Variants in CYTH2 observed in about 807,000 individuals in gnomAD.
The protein encoded by CYTH2 is cytohesin-2.
Under a neutral mutation model 55.4 loss-of-function variants are expected in CYTH2, and 24 were observed. That is an observed-to-expected ratio of 0.43 (90% CI 0.31 to 0.61). The LOEUF (loss-of-function observed/expected upper bound fraction) is 0.61. Among genes scored for constraint, CYTH2 ranks in the 20% least tolerant of loss-of-function variants. The pLI, the probability that CYTH2 is intolerant of heterozygous loss-of-function variation, is 0.08. For synonymous variants in CYTH2, 221 were observed against 209.6 expected (o/e 1.05, Z -0.47); for missense variants, 378 against 533.5 (o/e 0.71, Z 2.87).
At position 48,474,394 on chromosome 19, in the gene CYTH2, C is replaced by T; in HGVS notation, c.696+64C>T. The T allele has an allele frequency of 8.0e-6, 12 of 1,497,882 alleles. No individual in the cohort carries two copies. The highest frequency in any genetic ancestry group is 1.1e-5 in the Non-Finnish European group (12 of 1,119,678). The allele number at this position is 1,497,882 out of a possible 1,614,324, so 92.8% of individuals were successfully genotyped here. ...TCCTGCCACAGACACCCCCGCCCCA[C>T]CTGTGGTCTCCTAGTGCCCAAGCTG... On this transcript the variant is annotated intron_variant, in intron 7 of 11. Coordinates refer to ENST00000452733, the MANE Select transcript of CYTH2 (RefSeq NM_004228.7). The surrounding 1 kb of genome is among the most constrained non-coding windows in gnomAD (Gnocchi z 4.9).
chr19:48,475,259 A>ACCACC, intron 8 of CYTH2: 1 of 338,494 alleles, frequency 3.0e-6, no homozygotes, highest in Non-Finnish European at 5.4e-6. Context: ...CTTTCGTGGG[A>ACCACC]GAAGAGTTCA....
In CYTH2 at chr19:48,479,475, G is replaced by A. The variant is rs904781289; in HGVS notation, c.*265G>A. The A allele has an allele frequency of 2.3e-5, 11 of 486,498 alleles. No individual in the cohort carries two copies. The highest frequency in any genetic ancestry group is 7.8e-5 in the African/African-American group (4 of 51,520). The allele number at this position is 486,498 out of a possible 1,614,324, so 30.1% of individuals were successfully genotyped here. A position where few individuals can be genotyped will look rare whatever the true frequency, so the allele number is the denominator to read the frequency against. On this transcript the variant is annotated 3_prime_UTR_variant, in exon 12 of 12. Coordinates refer to ENST00000452733, the MANE Select transcript of CYTH2 (RefSeq NM_004228.7). ...TTTCCCTGGACAGGGGCCTGGACCC[G>A]CCTGTCTCTGGGTGCTGCCTGGGCT...
intron 1 of CYTH2, 94 bp downstream of exon 1, chr19:48,469,620 C>T: frequency 7.5e-7 from 1 of 1,339,540 alleles, no homozygotes; most frequent in Non-Finnish European, 9.7e-7. Flanking sequence ...GCGCGGCGCC[C>T]AGAAGCGTTC....
Position 48,478,152 on chromosome 19 carries a change from G to C in CYTH2, c.885+7G>C. On this transcript the variant is annotated splice_region_variant and intron_variant, in intron 9 of 11. Transcript: ENST00000452733. ...CTACTTTGAGTACACCACGGTGAGC[G>C]TGACCCGACCCGGGCTCTGGGGTCC... 6.2e-7 allele frequency: 1 copy of C among 1,613,828 alleles called. No homozygotes were observed. The highest frequency in any genetic ancestry group is 1.1e-5 in the South Asian group (1 of 91,090).
At position 48,474,927 on chromosome 19, in the gene CYTH2, G is replaced by C. The variant is rs1254339695; in HGVS notation, c.786G>C (p.Arg262=). 6.2e-7 allele frequency: 1 copy of C among 1,614,172 alleles called. No individual in the cohort carries two copies. The highest frequency in any genetic ancestry group is 8.5e-7 in the Non-Finnish European group (1 of 1,180,028). ...DLTHTFFNPD[R]EGWLLKLGGR... ...CCCACACCTTCTTCAACCCGGACCG[G>C]GAGGGCTGGCTCCTGAAGCTGGGTA... Residue 262 remains arginine (R), a synonymous_variant, in exon 8 of 12, where the codon CGG becomes CGC. Coordinates refer to ENST00000452733, the MANE Select transcript of CYTH2 (RefSeq NM_004228.7). This position sits in a 1 kb window ranked among gnomAD's most constrained non-coding sequence, Gnocchi z 4.9.
intron 1 of CYTH2, 99 bp from the exon 2 acceptor site, chr19:48,470,254 C>G: frequency 2.0e-6 from 3 of 1,490,590 alleles, no homozygotes; most frequent in African/African-American, 1.4e-5. Context: ...ATAGGAAGCC[C>G]CTTACACATC....
At chr19:48,471,667 G>A (rs1239235315) in intron 3 of CYTH2, among the ~76,000 whole-genome samples, 2 of 152,210 alleles carry the variant, frequency 1.3e-5, no homozygotes, top group Non-Finnish European at 2.9e-5. Flanking sequence ...CCAGGGCTTC[G>A]AGTTCACAGC....
intron 8 of CYTH2, 110 bp from the exon 9 acceptor site, chr19:48,477,959 C>T (rs1436181008): frequency 3.6e-6 from 3 of 823,298 alleles, no homozygotes; most frequent in African/African-American, 3.4e-5. Flanking sequence ...TGTCTAGGCC[C>T]CAGGAGCCCC....
chr19:48,471,274 C>T (rs1971787041), intron 3 of CYTH2, among the ~76,000 whole-genome samples: 1 of 151,882 alleles, frequency 6.6e-6, no homozygotes, highest in Admixed American at 6.5e-5. Context: ...GCCTCAGCCT[C>T]CCAAGTAGCT....
In CYTH2 at chr19:48,479,319, C is replaced by G. The variant is rs1181614315; in HGVS notation, c.*109C>G. 3 of 986,012 alleles carry G rather than the reference C, an allele frequency of 3.0e-6. No individual in the cohort carries two copies. Among genetic ancestry groups the G allele is most frequent in the Non-Finnish European group, 4.7e-6 (3 of 635,574 alleles). 61.1% of individuals were successfully genotyped at this position (986,012 alleles called of 1,614,324 possible). On this transcript the variant is annotated 3_prime_UTR_variant, in exon 12 of 12. Transcript: ENST00000452733. Reference sequence around the variant, plus strand: ...GGTTCCCTGTTTGGAAAATTCACCACCTCTAGCTCCTCACTGTTCTTTGTA... The same window carrying G: ...GGTTCCCTGTTTGGAAAATTCACCAGCTCTAGCTCCTCACTGTTCTTTGTA...
In CYTH2 at chr19:48,470,595, T is replaced by C. The variant is rs1971773603; in HGVS notation, c.168-8T>C. Reference sequence around the variant, plus strand: ...CTCCACCCCCAACCCTGCTCTCTGCTCCTGCAGTAAGACCTTGCAACGGAA... The same window carrying C: ...CTCCACCCCCAACCCTGCTCTCTGCCCCTGCAGTAAGACCTTGCAACGGAA... On this transcript the variant is annotated splice_region_variant and splice_polypyrimidine_tract_variant and intron_variant, in intron 2 of 11. Coordinates refer to ENST00000452733, the MANE Select transcript of CYTH2 (RefSeq NM_004228.7). 6.2e-7 allele frequency: 1 copy of C among 1,614,198 alleles called. No homozygotes were observed. Among genetic ancestry groups the C allele is most frequent in the Non-Finnish European group, 8.5e-7 (1 of 1,180,034 alleles).
rs116036991 is a variant in CYTH2 at position 48,479,493 on chromosome 19, C to G, written c.*283C>G. On this transcript the variant is annotated 3_prime_UTR_variant, in exon 12 of 12. Coordinates refer to ENST00000452733, the MANE Select transcript of CYTH2 (RefSeq NM_004228.7). ...TGGACCCGCCTGTCTCTGGGTGCTG[C>G]CTGGGCTGTCCCGGTGGGTCTGTTC... The G allele has an allele frequency of 9.3e-3, 4,313 of 462,304 alleles. 126 individuals carry two copies. The highest frequency in any genetic ancestry group is 0.076 in the African/African-American group (3,892 of 51,094). 28.6% of individuals were successfully genotyped at this position (462,304 alleles called of 1,614,324 possible). A position where few individuals can be genotyped will look rare whatever the true frequency, so the allele number is the denominator to read the frequency against.
At chr19:48,470,550 G>C (rs897075325) in intron 2 of CYTH2, 50 bp downstream of exon 2, 3 of 1,614,106 alleles carry the variant, frequency 1.9e-6, no homozygotes, top group East Asian at 4.5e-5. Context: ...GCTGAGGCCA[G>C]GGATGCCCAG....
Position 48,480,232 on chromosome 19 carries a change from C to G in CYTH2, c.*1022C>G, listed in dbSNP as rs1972022167. ...GGTGCGATGGCGGATTGGGAGGTCC[C>G]ATGTCACTCTCCCATGCCCGCCTTT... On this transcript the variant is annotated 3_prime_UTR_variant, in exon 12 of 12. Coordinates refer to ENST00000452733, the MANE Select transcript of CYTH2 (RefSeq NM_004228.7). 1 of 152,180 alleles carries G rather than the reference C, an allele frequency of 6.6e-6. No homozygotes were observed. The highest frequency in any genetic ancestry group is 6.5e-5 in the Admixed American group (1 of 15,272). 9.4% of individuals were successfully genotyped at this position (152,180 alleles called of 1,614,324 possible).
At chr19:48,478,383 G>A (rs1321403114) in intron 10 of CYTH2, 37 bp downstream of exon 10, 1 of 1,613,584 alleles carries the variant, frequency 6.2e-7, no homozygotes, top group South Asian at 1.1e-5. Context: ...GCCAGGGCGG[G>A]GCCTCCTCTG....
chr19:48,470,683 C>A lies in CYTH2; in HGVS notation c.234+14C>A. On this transcript the variant is annotated intron_variant, in intron 3 of 11. Transcript: ENST00000452733. ...GACCCCAAGAAGGTGCTTGGGGCCACAGGACTGGGATCAGCTGGGCAAACA... is the reference window on the plus strand; with the variant it reads ...GACCCCAAGAAGGTGCTTGGGGCCAAAGGACTGGGATCAGCTGGGCAAACA... 1 of 1,614,158 alleles carries A rather than the reference C, an allele frequency of 6.2e-7. No homozygotes were observed. Among genetic ancestry groups the A allele is most frequent in the Non-Finnish European group, 8.5e-7 (1 of 1,180,002 alleles).
chr19:48,478,785 A>ACGGAGGAGGGGCCGGGGGCCTGGACC (rs1569093229), intron 11 of CYTH2, among the ~76,000 whole-genome samples, 193 bp downstream of exon 11: 7 of 94,800 alleles, frequency 7.4e-5, no homozygotes, highest in African/African-American at 3.2e-4. Context: ...GGGCCTGGAC[A>ACGGAGGAGGGGCCGGGGGCCTGGACC]CCTGGGTCTG....
In CYTH2 at chr19:48,474,027, C is replaced by T. The variant is rs765488390; in HGVS notation, c.547+10C>T. ...GTTTTCCAGTCCACAGGTGCGGGCC[C>T]CAAATCCTGGGTCCTGGGAAAGAGG... On this transcript the variant is annotated intron_variant, in intron 6 of 11. Coordinates refer to ENST00000452733, the MANE Select transcript of CYTH2 (RefSeq NM_004228.7). This position sits in a 1 kb window ranked among gnomAD's most constrained non-coding sequence, Gnocchi z 4.9. 30 of 1,597,708 alleles carry T rather than the reference C, an allele frequency of 1.9e-5. No individual in the cohort carries two copies. Among genetic ancestry groups the T allele is most frequent in the Non-Finnish European group, 2.4e-5 (28 of 1,172,486 alleles).
rs1174495147 is a variant in CYTH2 at position 48,472,386 on chromosome 19, TC to T, written c.298del (p.Leu100CysfsTer7). On this transcript the variant is annotated frameshift_variant, in exon 4 of 12. Coordinates refer to ENST00000452733, the MANE Select transcript of CYTH2 (RefSeq NM_004228.7). LOFTEE classifies it high-confidence loss of function. ...LQNTPEEIARFLYKGEGLNKT... is the reference protein window; with the variant it reads ...LQNTPEEIARXLYKGEGLNKT... Reference sequence around the variant, plus strand: ...AACACACCCGAGGAGATCGCCCGCTTCCTGTACAAGGGCGAGGGGCTGAACA... The same window carrying T: ...AACACACCCGAGGAGATCGCCCGCTTCTGTACAAGGGCGAGGGGCTGAACA... 2.5e-6 allele frequency: 4 copies of T among 1,613,940 alleles called. No individual in the cohort carries two copies. Among genetic ancestry groups the T allele is most frequent in the Non-Finnish European group, 3.4e-6 (4 of 1,180,014 alleles).
Sources: allele counts gnomAD v4.1 joint callset (sites outside exome capture counted in the v4.1 genomes callset), GRCh38; gene constraint gnomAD v4.1.1; non-coding constraint Gnocchi (gnomAD v3.1); transcripts MANE v1.5; gene names NCBI Gene and HGNC (gene_info 2026-07-23, HGNC 2026-07-21).